CNTN6: variants seen among roughly 807,000 people sequenced by gnomAD.
The protein encoded by CNTN6 is contactin-6.
CNTN6 carries 137 observed loss-of-function variants against 122.8 expected under a neutral mutation model. The ratio of observed to expected loss-of-function variants is 1.12; its 90% CI spans 0.97 to 1.29. The LOEUF (loss-of-function observed/expected upper bound fraction) is 1.29. Ranked by LOEUF, CNTN6 falls within the 50% of genes most tolerant of loss-of-function variation. The pLI is 0.00. For missense variants in CNTN6, 1,634 were observed against 1,223.4 expected (o/e 1.34, Z -5.01); for synonymous variants, 570 against 426.0 (o/e 1.34, Z -4.16).
At chr3:1,332,729 AG>A (rs1380449317) in intron 11 of CNTN6, among the ~76,000 whole-genome samples, 1 of 152,034 alleles carries the variant, frequency 6.6e-6, no homozygotes, top group Non-Finnish European at 1.5e-5. Context: ...AATGAATTAG[AG>A]GTACTTCATT....
At chr3:1,156,596 CTTTCTTTCTTTCTTTTTCT>C (rs1481818606) in intron 2 of CNTN6, among the ~76,000 whole-genome samples, 6 of 148,778 alleles carry the variant, frequency 4.0e-5, no homozygotes, top group Admixed American at 2.6e-4. Flanking sequence ...CTCAGACTTT[CTTTCTTTCTTTCTTTTTCT>C]TTTCTTTCTT....
chr3:1,143,738 A>C (rs2092664945), intron 1 of CNTN6, among the ~76,000 whole-genome samples: 1 of 152,230 alleles, frequency 6.6e-6, no homozygotes, highest in African/African-American at 2.4e-5. Flanking sequence ...AGCAGTATAG[A>C]GGAATGCCAA....
intron 1 of CNTN6, among the ~76,000 whole-genome samples, chr3:1,131,411 G>C (rs1243637238): frequency 2.4e-5 from 1 of 42,550 alleles, no homozygotes; most frequent in African/African-American, 9.6e-5. Context: ...AGGCTGCTTA[G>C]GGGGTTGCTC....
At chr3:1,299,387 A>G (rs1696821755) in intron 7 of CNTN6, among the ~76,000 whole-genome samples, 1 of 152,160 alleles carries the variant, frequency 6.6e-6, no homozygotes. Context: ...AAGAATATTA[A>G]TAGCTTATTT....
intron 1 of CNTN6, among the ~76,000 whole-genome samples, chr3:1,128,020 T>C (rs186219054): frequency 3.0e-4 from 46 of 152,102 alleles, no homozygotes; most frequent in African/African-American, 9.6e-4. Flanking sequence ...ACAGAAATTT[T>C]TCTAAATTAA....
chr3:1,310,402 A>G (rs918368087), intron 7 of CNTN6, among the ~76,000 whole-genome samples: 1 of 152,098 alleles, frequency 6.6e-6, no homozygotes, highest in Non-Finnish European at 1.5e-5. Flanking sequence ...TCTATTCATT[A>G]GTGGATTTCA....
intron 5 of CNTN6, among the ~76,000 whole-genome samples, chr3:1,292,113 G>A (rs174489): frequency 0.74 from 112,589 of 151,824 alleles, 41,912 homozygotes; most frequent in East Asian, 0.89. Flanking sequence ...CTACCTAGTA[G>A]ATCATCCACT....
At position 1,283,872 on chromosome 3, in the gene CNTN6, C is replaced by T. The variant is rs149721278; in HGVS notation, c.454+5364C>T. On this transcript the variant is annotated intron_variant, in intron 5 of 22. Transcript: ENST00000446702. ...AAAATTAGCCGGGTGTGGTGGCAGG[C>T]GCCTGTAATCCCAGCTACTCTGGGG... Among the ~76,000 whole-genome samples the T allele has an allele frequency of 8.2e-3, 1,242 of 152,178 alleles. 23 individuals are homozygous for T. The highest frequency in any genetic ancestry group is 0.029 in the African/African-American group (1,188 of 41,502).
chr3:1,329,131 TCAA>T (rs1701930727), intron 10 of CNTN6, among the ~76,000 whole-genome samples: 1 of 151,172 alleles, frequency 6.6e-6, no homozygotes, highest in Non-Finnish European at 1.5e-5. Flanking sequence ...GTGTGTTTCT[TCAA>T]CATCATATGT....
At chr3:1,387,754 C>A (rs539826445) in intron 20 of CNTN6, among the ~76,000 whole-genome samples, 12 of 149,880 alleles carry the variant, frequency 8.0e-5, no homozygotes, top group African/African-American at 2.9e-4. Flanking sequence ...ACTTGGGAAG[C>A]GCAAGGGGTC....
intron 2 of CNTN6, among the ~76,000 whole-genome samples, chr3:1,174,296 C>A (rs2093411044): frequency 6.6e-6 from 1 of 152,142 alleles, no homozygotes; most frequent in South Asian, 2.1e-4. Context: ...TTCAGAGGCA[C>A]CCAATTTACT....
At chr3:1,213,383 T>G (rs1298307460) in intron 2 of CNTN6, among the ~76,000 whole-genome samples, 1 of 152,084 alleles carries the variant, frequency 6.6e-6, no homozygotes, top group Admixed American at 6.6e-5. Flanking sequence ...TTTATGGAGA[T>G]CTGCAAAAAA....
intron 17 of CNTN6, among the ~76,000 whole-genome samples, chr3:1,381,846 G>C (rs1395960159): frequency 2.6e-5 from 4 of 152,080 alleles, no homozygotes; most frequent in Non-Finnish European, 4.4e-5. Context: ...CTCTGTGAGA[G>C]GAATTGACCA....
intron 2 of CNTN6, among the ~76,000 whole-genome samples, chr3:1,218,227 G>A (rs2094155032): frequency 6.6e-6 from 1 of 152,094 alleles, no homozygotes; most frequent in East Asian, 1.9e-4. Flanking sequence ...TGAGGAAGGG[G>A]AAGAGGGTTC....
At chr3:1,156,775 G>A (rs1269748057) in intron 2 of CNTN6, among the ~76,000 whole-genome samples, 3 of 149,998 alleles carry the variant, frequency 2.0e-5, no homozygotes, top group Admixed American at 1.3e-4. Flanking sequence ...GTGCAATGGC[G>A]CTATCAAAGC....
chr3:1,318,689 C>G (rs951655614), intron 7 of CNTN6, among the ~76,000 whole-genome samples: 5 of 151,682 alleles, frequency 3.3e-5, no homozygotes, highest in African/African-American at 1.2e-4. Flanking sequence ...CAGGTCATAC[C>G]TAGAGTTGTC....
chr3:1,362,163 C>T (rs1198177594), intron 12 of CNTN6, among the ~76,000 whole-genome samples: 2 of 152,082 alleles, frequency 1.3e-5, no homozygotes. Context: ...CAGTTTCGGA[C>T]CAGCTTCTGG....
rs114291940 is a variant in CNTN6 at position 1,226,781 on chromosome 3, A to C, written c.183-1037A>C. ...TAAAATTATATGTTTTTCTGTTATT[A>C]ATCTTCCTTTCCTTTTAGAGACCTC... is the stretch of plus-strand genomic sequence containing the variant. On this transcript the variant is annotated intron_variant, in intron 3 of 22. Transcript: ENST00000446702. 7.6e-3 allele frequency among the ~76,000 whole-genome samples: 1,154 copies of C among 152,238 alleles called. 17 individuals are homozygous for C. The highest frequency in any genetic ancestry group is 0.026 in the African/African-American group (1,094 of 41,548).
At chr3:1,384,794 T>C (rs58232515) in intron 19 of CNTN6, among the ~76,000 whole-genome samples, 17,046 of 107,024 alleles carry the variant, frequency 0.16, 2,248 homozygotes, top group African/African-American at 0.4. Context: ...TATATATATA[T>C]ATACACACAC....
Sources: allele counts gnomAD v4.1 joint callset (sites outside exome capture counted in the v4.1 genomes callset), GRCh38; gene constraint gnomAD v4.1.1; transcripts MANE v1.5; gene names NCBI Gene and HGNC (gene_info 2026-07-23, HGNC 2026-07-21).